The following MCF2L2 variants were observed in gnomAD, a reference collection of about 807,000 sequenced individuals.
MCF2L2 encodes probable guanine nucleotide exchange factor MCF2L2.
Under a neutral mutation model 150.2 loss-of-function variants are expected in MCF2L2, and 102 were observed. The ratio of observed to expected loss-of-function variants is 0.68; its 90% CI spans 0.58 to 0.80. The LOEUF (loss-of-function observed/expected upper bound fraction) is 0.80, where lower values mean the gene tolerates loss of function less well. Ranked by LOEUF, MCF2L2 falls within the 30% of genes least tolerant of loss-of-function variation. The pLI, the probability that MCF2L2 is intolerant of heterozygous loss-of-function variation, is 0.00. For missense variants in MCF2L2, 1,256 were observed against 1,372.8 expected (o/e 0.91, Z 1.34); for synonymous variants, 465 against 491.3 (o/e 0.95, Z 0.71).
intron 11 of MCF2L2, 63 bp from the exon 12 acceptor site, chr3:183,297,230 C>G (rs556169622): frequency 1.8e-4 from 249 of 1,400,060 alleles, no homozygotes; most frequent in Non-Finnish European, 2.2e-4. Context: ...CACCGTAATC[C>G]TCAGCAGGTC....
intron 15 of MCF2L2, among the ~76,000 whole-genome samples, chr3:183,275,495 C>CA (rs1206756484): frequency 2.0e-5 from 3 of 152,234 alleles, no homozygotes; most frequent in Non-Finnish European, 4.4e-5. Flanking sequence ...TGCCTTTTCT[C>CA]AAAGTTCTTT....
chr3:183,393,597 TC>T (rs1714285463), intron 1 of MCF2L2, among the ~76,000 whole-genome samples: 1 of 152,228 alleles, frequency 6.6e-6, no homozygotes, highest in African/African-American at 2.4e-5. Flanking sequence ...AAAACTTGTC[TC>T]TTTTCTATCC....
chr3:183,256,370 GT>G (rs1725044510), intron 15 of MCF2L2, among the ~76,000 whole-genome samples: 3 of 152,112 alleles, frequency 2.0e-5, no homozygotes, highest in African/African-American at 7.2e-5. Context: ...TTATGTATTA[GT>G]TTACATATAT....
intron 25 of MCF2L2, among the ~76,000 whole-genome samples, chr3:183,196,932 A>G (rs1006379786): frequency 6.6e-6 from 1 of 152,190 alleles, no homozygotes; most frequent in South Asian, 2.1e-4. Flanking sequence ...TGTCAACTGA[A>G]TAAGTGTCAT....
intron 5 of MCF2L2, among the ~76,000 whole-genome samples, chr3:183,325,053 T>C (rs1729967425): frequency 7.8e-6 from 1 of 128,152 alleles, no homozygotes; most frequent in Admixed American, 9.7e-5. Context: ...CACTCATAGG[T>C]GGGAATTGAA....
chr3:183,199,873 G>A (rs546643975), intron 25 of MCF2L2, among the ~76,000 whole-genome samples: 2 of 149,226 alleles, frequency 1.3e-5, no homozygotes, highest in South Asian at 4.2e-4. Flanking sequence ...GAGAACACAC[G>A]GTGTTTGGTT....
chr3:183,403,519 G>A (rs1714882129), intron 1 of MCF2L2, among the ~76,000 whole-genome samples: 2 of 152,210 alleles, frequency 1.3e-5, no homozygotes, highest in Admixed American at 1.3e-4. Flanking sequence ...TGAGATGCCA[G>A]GTGGCGAGAC....
At chr3:183,368,635 G>A (rs974821730) in intron 3 of MCF2L2, among the ~76,000 whole-genome samples, 1 of 152,160 alleles carries the variant, frequency 6.6e-6, no homozygotes, top group Admixed American at 6.5e-5. Context: ...GTGGTGGCAG[G>A]TGGCTGTAAT....
intron 22 of MCF2L2, among the ~76,000 whole-genome samples, chr3:183,209,034 G>A (rs1376566524): frequency 9.0e-6 from 1 of 111,622 alleles, no homozygotes; most frequent in Admixed American, 1.0e-4. Context: ...TCCCAGCCAC[G>A]AGGCCTTCTT....
At chr3:183,219,151 C>G (rs1723051707) in intron 21 of MCF2L2, among the ~76,000 whole-genome samples, 1 of 152,122 alleles carries the variant, frequency 6.6e-6, no homozygotes, top group Admixed American at 6.5e-5. Flanking sequence ...CACACACACA[C>G]AGAGGAGAAC....
chr3:183,183,244 A>T (rs916534737), intron 27 of MCF2L2, among the ~76,000 whole-genome samples: 11 of 152,212 alleles, frequency 7.2e-5, no homozygotes, highest in Non-Finnish European at 1.6e-4. Flanking sequence ...TGATCTGCCC[A>T]CCTCAGCCTC....
intron 14 of MCF2L2, among the ~76,000 whole-genome samples, chr3:183,286,199 T>A (rs2108473936): frequency 6.6e-6 from 1 of 152,326 alleles, no homozygotes; most frequent in South Asian, 2.1e-4. Flanking sequence ...TAATTTTAGC[T>A]GTAGGTGGTG....
At chr3:183,217,838 A>G (rs1723002289) in intron 21 of MCF2L2, among the ~76,000 whole-genome samples, 1 of 152,170 alleles carries the variant, frequency 6.6e-6, no homozygotes, top group African/African-American at 2.4e-5. Flanking sequence ...AGCAGTAACT[A>G]ATTAAAGAGA....
intron 15 of MCF2L2, among the ~76,000 whole-genome samples, chr3:183,248,330 G>T (rs1310740888): frequency 6.6e-6 from 1 of 151,532 alleles, no homozygotes; most frequent in Admixed American, 6.6e-5. Flanking sequence ...CTTTAGAATT[G>T]GCTTTTTAGA....
chr3:183,352,301 T>G (rs749972820), intron 3 of MCF2L2, among the ~76,000 whole-genome samples: 14 of 152,066 alleles, frequency 9.2e-5, no homozygotes, highest in Non-Finnish European at 2.1e-4. Flanking sequence ...GGCGGGCAGA[T>G]CATCTGAGGT....
chr3:183,269,960 C>G, intron 15 of MCF2L2: 1 of 1,614,100 alleles, frequency 6.2e-7, no homozygotes. Flanking sequence ...TCATAAATAG[C>G]TATGACTTTG....
intron 24 of MCF2L2, 53 bp downstream of exon 24, chr3:183,206,065 ATGGG>A: frequency 6.4e-7 from 1 of 1,574,458 alleles, no homozygotes; most frequent in South Asian, 1.1e-5. Context: ...TTGTCAAGTC[ATGGG>A]AACACAATAA....
At chr3:183,258,614 T>C (rs377166127) in intron 15 of MCF2L2, among the ~76,000 whole-genome samples, 2 of 152,222 alleles carry the variant, frequency 1.3e-5, no homozygotes, top group Non-Finnish European at 2.9e-5. Flanking sequence ...TCCCTCAGTA[T>C]CCTTGGGGAA....
rs1726294170 is a variant in MCF2L2, at chr3:183,267,686, TCCA to T, written c.1862+9183_1862+9185del. On this transcript the variant is annotated intron_variant, in intron 15 of 29. Transcript: ENST00000328913. The surrounding 1 kb of genome is among the most constrained non-coding windows in gnomAD (Gnocchi z 5.5). ...CCGAGGAAGAGAGCCTACCTTTCCA[TCCA>T]AGGAAGTGTTTTACCTGTGGTAAGC... Among the ~76,000 whole-genome samples, 1 of 152,166 alleles carries T rather than the reference TCCA, an allele frequency of 6.6e-6. No homozygotes were observed. The highest frequency in any genetic ancestry group is 2.4e-5 in the African/African-American group (1 of 41,436).
Sources: gnomAD v4.1 joint callset for allele counts (sites outside exome capture counted in the v4.1 genomes callset) on GRCh38, gnomAD v4.1.1 for gene constraint, Gnocchi (gnomAD v3.1) non-coding constraint, MANE v1.5 for transcripts, NCBI Gene and HGNC (gene_info 2026-07-23, HGNC 2026-07-21) for gene names.